CYP2D6: variants seen among roughly 807,000 people sequenced by gnomAD.
The protein encoded by CYP2D6 is cytochrome P450 2D6.
In CYP2D6, 51 loss-of-function variants were observed where a neutral mutation model predicts 43.5. The observed-to-expected ratio is 1.17, with a 90% CI of 0.94 to 1.48. The LOEUF (loss-of-function observed/expected upper bound fraction) is 1.48. Ranked by LOEUF, CYP2D6 falls within the 40% of genes most tolerant of loss-of-function variation. The pLI is 0.00. For missense variants in CYP2D6, 698 were observed against 688.0 expected (o/e 1.01, Z -0.16); for synonymous variants, 346 against 297.1 (o/e 1.16, Z -1.69).
At position 42,129,068 on chromosome 22, in the gene CYP2D6, G is replaced by T; in HGVS notation, c.470C>A (p.Ala157Asp). 6.2e-7 allele frequency: 1 copy of T among 1,608,680 alleles called. No individual in the cohort carries two copies. The highest frequency in any genetic ancestry group is 8.5e-7 in the Non-Finnish European group (1 of 1,177,310). ...KSLEQWVTEE[A>D]ACLCAAFANH... ...GGCGAAGGCGGCACAAAGGCAGGCG[G>T]CCTCCTCGGTCACCCACTGCTCCAG... The change falls in exon 3 of 9, where the codon GCC becomes GAC. Residue 157 changes from alanine (A) to aspartate (D), a missense_variant. Around this residue, in one of 5 missense-constraint regions of CYP2D6, gnomAD observed 588 missense variants for 521.1 expected, o/e 1.13. Coordinates refer to ENST00000645361, the MANE Select transcript of CYP2D6 (RefSeq NM_000106.6).
intron 6 of CYP2D6, 26 bp downstream of exon 6, chr22:42,127,816 C>T (rs2146932507): frequency 6.2e-7 from 1 of 1,609,662 alleles, no homozygotes; most frequent in Non-Finnish European, 8.5e-7. Context: ...CCCTCGGCCC[C>T]TGCACTGTTT....
At chr22:42,130,436 G>A (rs1307404514) in intron 1 of CYP2D6, 176 bp downstream of exon 1, 18 of 788,916 alleles carry the variant, frequency 2.3e-5, no homozygotes, top group South Asian at 1.8e-4. Context: ...CTTGGCCTTT[G>A]GAAAATCCAG....
At chr22:42,128,017 C>G (rs755173684) in intron 5 of CYP2D6, 34 bp from the exon 6 acceptor site, 2 of 1,611,088 alleles carry the variant, frequency 1.2e-6, no homozygotes, top group Non-Finnish European at 8.5e-7. Context: ...CGGGACAGAA[C>G]GGGGTAGCCC....
At chr22:42,127,813 C>A in intron 6 of CYP2D6, 29 bp downstream of exon 6, 1 of 1,609,044 alleles carries the variant, frequency 6.2e-7, no homozygotes, top group African/African-American at 1.3e-5. Flanking sequence ...CCTCCCTCGG[C>A]CCCTGCACTG....
intron 2 of CYP2D6, 43 bp from the exon 3 acceptor site, chr22:42,129,228 A>C: frequency 6.3e-7 from 1 of 1,591,048 alleles, no homozygotes. Context: ...TGAAGGCATT[A>C]GCCCCACCAT....
rs75203276 is a variant in CYP2D6 at position 42,128,499 on chromosome 22, C to T, written c.667-149G>A. ...GTCCCTCCCCAAGTGCCAGCCTCCA[C>T]CCTCTCTCCTTGCCCAGAGGAGAAA... On this transcript the variant is annotated intron_variant, in intron 4 of 8. Transcript: ENST00000645361. The T allele has an allele frequency of 6.1e-3, 6,156 of 1,015,436 alleles. 474 individuals carry two copies. The African/African-American group carries it at 0.087, about 14-fold the overall frequency. The allele number at this position is 1,015,436 out of a possible 1,614,324, so 62.9% of individuals were successfully genotyped here. A position where few individuals can be genotyped will look rare whatever the true frequency, so the allele number is the denominator to read the frequency against.
intron 7 of CYP2D6, among the ~76,000 whole-genome samples, chr22:42,127,215 C>T (rs1931065723): frequency 6.6e-6 from 1 of 151,498 alleles, no homozygotes; most frequent in African/African-American, 2.4e-5. Context: ...GGCGTTGGGT[C>T]CTCCAACATT....
chr22:42,128,403 G>A lies in CYP2D6; in HGVS notation c.667-53C>T. The A allele has an allele frequency of 1.3e-6, 2 of 1,589,604 alleles. 1 individual carries two copies. ...CCCTCCTGTGCTCTGCGTTCACCTG[G>A]ACAAGTCTCAGGCCCCAGCCATCTC... On this transcript the variant is annotated intron_variant, in intron 4 of 8. Transcript: ENST00000645361.
chr22:42,130,233 G>A (rs1931858515), intron 1 of CYP2D6: 2 of 510,326 alleles, frequency 3.9e-6, no homozygotes, highest in Admixed American at 3.7e-5. Flanking sequence ...GGTTTGAACC[G>A]GGTCACTGCA....
At position 42,128,164 on chromosome 22, in the gene CYP2D6, C is replaced by A. The variant is rs1438029824; in HGVS notation, c.843+10G>T. 7.5e-6 allele frequency: 12 copies of A among 1,601,114 alleles called. No homozygotes were observed. The highest frequency in any genetic ancestry group is 1.7e-5 in the Admixed American group (1 of 58,452). ...CCACCCTTGCCCCCCACCGTGGCAGCCACTCTCACCTTCTCCATCTCTGCC... is the reference window on the plus strand; with the variant it reads ...CCACCCTTGCCCCCCACCGTGGCAGACACTCTCACCTTCTCCATCTCTGCC... On this transcript the variant is annotated intron_variant, in intron 5 of 8. Coordinates refer to ENST00000645361, the MANE Select transcript of CYP2D6 (RefSeq NM_000106.6).
Position 42,127,591 on chromosome 22 carries a change from C to T in CYP2D6, c.1029G>A (p.Arg343=), listed in dbSNP as rs1228343423. The change falls in exon 7 of 9, where the codon CGG becomes CGA. Residue 343 remains arginine, a synonymous_variant. Transcript: ENST00000645361. ...QEIDDVIGQV[R]RPEMGDQAHM... is the part of the protein sequence containing the mutation. ...GAGCCTGGTCACCCATCTCTGGTCG[C>T]CGCACCTGCCCTATCACGTCGTCGA... is the stretch of plus-strand genomic sequence containing the variant. The T allele has an allele frequency of 1.9e-6, 3 of 1,612,084 alleles. No homozygotes were observed. Among genetic ancestry groups the T allele is most frequent in the Non-Finnish European group, 2.5e-6 (3 of 1,178,690 alleles).
rs939828656 is a variant in CYP2D6, at chr22:42,130,184, G to A, written c.181-275C>T. The A allele has an allele frequency of 5.8e-6, 3 of 517,130 alleles. No homozygotes were observed. The African/African-American group carries it at 8.4e-5, about 15-fold the overall frequency. The allele number at this position is 517,130 out of a possible 1,614,324, so 32.0% of individuals were successfully genotyped here. On this transcript the variant is annotated intron_variant, in intron 1 of 8. Transcript: ENST00000645361. ...ATCCCATTCCCAGATGATGGTCCAT[G>A]CCGGTGAGCAGTGAGGCCCGAGGAC...
chr22:42,128,369 G>C lies in CYP2D6; in HGVS notation c.667-19C>G, dbSNP rs1232865764. ...TCAGCACCTACACCAGACAGAACGG[G>C]GTCTCAATCCCTCCTGTGCTCTGCG... On this transcript the variant is annotated intron_variant, in intron 4 of 8. Coordinates refer to ENST00000645361, the MANE Select transcript of CYP2D6 (RefSeq NM_000106.6). 4.4e-6 allele frequency: 7 copies of C among 1,608,268 alleles called. No homozygotes were observed. In the Admixed American group the frequency reaches 5.0e-5, roughly 12 times the overall value.
rs764192883 is a variant in CYP2D6 at position 42,129,820 on chromosome 22, C to T, written c.270G>A (p.Ala90=). 4 of 1,602,272 alleles carry T rather than the reference C, an allele frequency of 2.5e-6. No homozygotes were observed. The highest frequency in any genetic ancestry group is 1.1e-5 in the South Asian group (1 of 90,680). The change falls in exon 2 of 9, where the codon GCG becomes GCA. Residue 90 remains alanine, a synonymous_variant. Coordinates refer to ENST00000645361, the MANE Select transcript of CYP2D6 (RefSeq NM_000106.6). ...CGGTGTCCTCGCCGTGGGTCACCAG[C>T]GCCTCGCGCACGGCCGCCAGCCCAT... is the stretch of plus-strand genomic sequence containing the variant. The part of the protein sequence containing the change: ...VLNGLAAVRE[A]LVTHGEDTAD...
intron 7 of CYP2D6, 133 bp downstream of exon 7, chr22:42,127,314 G>T (rs1214744133): frequency 2.5e-6 from 3 of 1,208,378 alleles, no homozygotes; most frequent in Admixed American, 2.0e-5. Context: ...CCACCCAAGT[G>T]GGGACAGTCA....
chr22:42,129,187 T>TG lies in CYP2D6; in HGVS notation c.353-3dup. On this transcript the variant is annotated splice_polypyrimidine_tract_variant and splice_region_variant and intron_variant, in intron 2 of 8. Coordinates refer to ENST00000645361, the MANE Select transcript of CYP2D6 (RefSeq NM_000106.6). ...GCCCATAGCGCGCCAGGAACACCCCTGGGGGTGGGACGGGCACGTGCGCGT... is the reference window on the plus strand; with the variant it reads ...GCCCATAGCGCGCCAGGAACACCCCTGGGGGGTGGGACGGGCACGTGCGCGT... 3 of 1,603,414 alleles carry TG rather than the reference T, an allele frequency of 1.9e-6. 1 individual carries two copies. The highest frequency in any genetic ancestry group is 2.5e-6 in the Non-Finnish European group (3 of 1,177,840).
At chr22:42,129,217 A>C in intron 2 of CYP2D6, 32 bp from the exon 3 acceptor site, 1 of 1,596,176 alleles carries the variant, frequency 6.3e-7, no homozygotes, top group Non-Finnish European at 8.5e-7. Flanking sequence ...GCGCGTGGCC[A>C]TGAAGGCATT....
rs1288096759 is a variant in CYP2D6, at chr22:42,130,682, G to T, written c.110C>A (p.Pro37His). 2 of 1,608,106 alleles carry T rather than the reference G, an allele frequency of 1.2e-6. No homozygotes were observed. Among genetic ancestry groups the T allele is most frequent in the East Asian group, 2.2e-5 (1 of 44,672 alleles). Reference protein sequence around the residue: ...QRWAARYPPGPLPLPGLGNLL... With the variant: ...QRWAARYPPGHLPLPGLGNLL... ...GTTGCCCAGCCCGGGCAGTGGCAGG[G>T]GGCCTGGTGGGTAGCGTGCAGCCCA... Residue 37 changes from proline to histidine, a missense_variant, in exon 1 of 9, where the codon CCC (proline) becomes CAC (histidine). Physicochemically the swap from Pro to His is moderately conservative, Grantham distance 77. Around this residue, in one of 5 missense-constraint regions of CYP2D6, gnomAD observed 588 missense variants for 521.1 expected, o/e 1.13. Coordinates refer to ENST00000645361, the MANE Select transcript of CYP2D6 (RefSeq NM_000106.6).
rs1602578192 is a variant in CYP2D6 at position 42,128,891 on chromosome 22, C to T, written c.559G>A (p.Ala187Thr). 3.8e-6 allele frequency: 6 copies of T among 1,596,598 alleles called. No individual in the cohort carries two copies. The highest frequency in any genetic ancestry group is 2.6e-6 in the Non-Finnish European group (3 of 1,171,484). The change falls in exon 4 of 9, where the codon GCC becomes ACC. Residue 187 changes from alanine to threonine, a missense_variant. By Grantham distance (58) the Ala-to-Thr change is moderately conservative. This residue lies in a region of CYP2D6 where 588 missense variants were observed against 521.1 expected (regional missense o/e 1.13). Coordinates refer to ENST00000645361, the MANE Select transcript of CYP2D6 (RefSeq NM_000106.6). ...LLDKAVSNVI[A>T]SLTCGRRFEY... ...AAGCGGCGCCCGCAGGTGAGGGAGG[C>T]GATCACGTTGCTCACGGCTTTGTCC...
Sources: allele counts gnomAD v4.1 joint callset (sites outside exome capture counted in the v4.1 genomes callset), GRCh38; gene constraint gnomAD v4.1.1; regional missense constraint gnomAD v4.1.1; transcripts MANE v1.5; gene names NCBI Gene and HGNC (gene_info 2026-07-23, HGNC 2026-07-21).